Variants in MACROD2 observed in about 807,000 individuals in gnomAD.
MACROD2 encodes mono-ADP ribosylhydrolase 2.
Under a neutral mutation model 70.4 loss-of-function variants are expected in MACROD2, and 36 were observed. The observed-to-expected ratio is 0.51, with a 90% CI of 0.39 to 0.68. MACROD2 has a LOEUF of 0.68. Among genes scored for constraint, MACROD2 ranks in the 30% least tolerant of loss-of-function variants. The pLI, the probability that MACROD2 is intolerant of heterozygous loss-of-function variation, is 0.00. For synonymous variants in MACROD2, 172 were observed against 178.8 expected, an observed-to-expected ratio of 0.96 and a Z score of 0.30; for missense variants, 496 against 538.4, an observed-to-expected ratio of 0.92 and a Z score of 0.78.
At chr20:15,348,942 A>G (rs2078197056) in intron 6 of MACROD2, among the ~76,000 whole-genome samples, 2 of 152,216 alleles carry the variant, frequency 1.3e-5, no homozygotes, top group Admixed American at 1.3e-4. Context: ...TGTCAGTTTA[A>G]GGAAAAAAAG....
At chr20:15,286,263 A>C (rs906238983) in intron 6 of MACROD2, among the ~76,000 whole-genome samples, 3 of 152,198 alleles carry the variant, frequency 2.0e-5, no homozygotes, top group African/African-American at 4.8e-5. Context: ...GGATCTTTAA[A>C]TATCTTCGAG....
At chr20:15,279,285 C>T (rs866473830) in intron 6 of MACROD2, among the ~76,000 whole-genome samples, 3 of 152,246 alleles carry the variant, frequency 2.0e-5, no homozygotes, top group South Asian at 2.1e-4. Context: ...TTTACAATTA[C>T]CCATATGACC....
At chr20:16,007,820 A>G (rs1488144976) in intron 15 of MACROD2, among the ~76,000 whole-genome samples, 2 of 152,132 alleles carry the variant, frequency 1.3e-5, no homozygotes, top group African/African-American at 2.4e-5. Flanking sequence ...TGTGGCTAAC[A>G]GAGTATGACA....
At chr20:15,611,205 C>A (rs915604971) in intron 8 of MACROD2, among the ~76,000 whole-genome samples, 2 of 151,886 alleles carry the variant, frequency 1.3e-5, no homozygotes, top group African/African-American at 4.8e-5. Context: ...TTATTTAGTC[C>A]TTGTAACAAA....
intron 4 of MACROD2, among the ~76,000 whole-genome samples, chr20:14,521,226 C>G (rs1227845923): frequency 4.6e-5 from 7 of 152,186 alleles, no homozygotes; most frequent in African/African-American, 1.7e-4. Flanking sequence ...GCATAAGCCA[C>G]CCAGCAGAGC....
intron 4 of MACROD2, among the ~76,000 whole-genome samples, chr20:14,594,490 C>T (rs1203600962): frequency 6.6e-6 from 1 of 152,166 alleles, no homozygotes; most frequent in African/African-American, 2.4e-5. Flanking sequence ...TGGTGTCCAT[C>T]ACAATCTAAG....
chr20:14,326,460 A>C lies in MACROD2; in HGVS notation c.272-167019A>C. The stretch of plus-strand genomic sequence containing the variant: ...TGTCCTTACAATCAAACAGTTCTGC[A>C]TTGAGATCCTTAATAGCCATCCCAC... On this transcript the variant is annotated intron_variant, in intron 3 of 17. Transcript: ENST00000684519. The surrounding 1 kb of genome is among the most constrained non-coding windows in gnomAD (Gnocchi z 5.5). 6.2e-7 allele frequency: 1 copy of C among 1,613,866 alleles called. No individual in the cohort carries two copies. Among genetic ancestry groups the C allele is most frequent in the Non-Finnish European group, 8.5e-7 (1 of 1,179,840 alleles).
chr20:15,282,577 T>C (rs1219111554), intron 6 of MACROD2, among the ~76,000 whole-genome samples: 1 of 152,204 alleles, frequency 6.6e-6, no homozygotes, highest in Non-Finnish European at 1.5e-5. Context: ...AGCCAGTCTC[T>C]TTGCTAAAGC....
At chr20:14,300,934 G>C (rs1320911204) in intron 3 of MACROD2, among the ~76,000 whole-genome samples, 8 of 152,184 alleles carry the variant, frequency 5.3e-5, no homozygotes, top group Non-Finnish European at 1.2e-4. Flanking sequence ...AAAGTTAGGT[G>C]ACAGTTATAA....
At chr20:15,708,889 G>A (rs2050578973) in intron 8 of MACROD2, among the ~76,000 whole-genome samples, 1 of 152,038 alleles carries the variant, frequency 6.6e-6, no homozygotes, top group Non-Finnish European at 1.5e-5. Context: ...AGCTGGGCAT[G>A]GTAGCACATA....
chr20:14,232,762 G>A (rs1292058951), intron 3 of MACROD2, among the ~76,000 whole-genome samples: 1 of 152,244 alleles, frequency 6.6e-6, no homozygotes, highest in African/African-American at 2.4e-5. Context: ...TCAAATGTGT[G>A]TTCACTGAAG....
intron 4 of MACROD2, among the ~76,000 whole-genome samples, chr20:14,515,454 T>C (rs1014621043): frequency 1.7e-5 from 2 of 115,360 alleles, no homozygotes; most frequent in Non-Finnish European, 3.5e-5. Flanking sequence ...ATATGTGAGA[T>C]ACACACACAC....
At chr20:15,979,875 A>C (rs945378582) in intron 13 of MACROD2, among the ~76,000 whole-genome samples, 7 of 152,180 alleles carry the variant, frequency 4.6e-5, no homozygotes, top group African/African-American at 1.7e-4. Flanking sequence ...GAGCTGTAGC[A>C]GGACGAGCCG....
intron 7 of MACROD2, among the ~76,000 whole-genome samples, chr20:15,438,246 G>A (rs1024940512): frequency 6.6e-6 from 1 of 152,082 alleles, no homozygotes; most frequent in African/African-American, 2.4e-5. Flanking sequence ...GCTCTTTGAG[G>A]AGTCGCCATA....
At chr20:14,443,190 T>C (rs1212997498) in intron 3 of MACROD2, among the ~76,000 whole-genome samples, 1 of 151,682 alleles carries the variant, frequency 6.6e-6, no homozygotes, top group Non-Finnish European at 1.5e-5. Flanking sequence ...TCTTTCTTCC[T>C]AAGGATGAAG....
At chr20:14,890,127 G>A (rs1366701284) in intron 5 of MACROD2, among the ~76,000 whole-genome samples, 1 of 152,158 alleles carries the variant, frequency 6.6e-6, no homozygotes, top group Non-Finnish European at 1.5e-5. Context: ...ATGGAAGCAG[G>A]TTTTGTTGGG....
At chr20:14,428,010 CAGACTTTT>C (rs995653019) in intron 3 of MACROD2, among the ~76,000 whole-genome samples, 7 of 152,082 alleles carry the variant, frequency 4.6e-5, no homozygotes, top group Non-Finnish European at 8.8e-5. Context: ...TAGTAATGAG[CAGACTTTT>C]AGACTGGCAA....
intron 6 of MACROD2, among the ~76,000 whole-genome samples, chr20:15,396,899 A>G (rs1359595648): frequency 6.6e-6 from 1 of 152,194 alleles, no homozygotes; most frequent in African/African-American, 2.4e-5. Context: ...AAGCAAACCC[A>G]CATGAGTTGT....
intron 3 of MACROD2, among the ~76,000 whole-genome samples, chr20:14,102,673 C>T (rs890772198): frequency 2.0e-5 from 3 of 152,132 alleles, no homozygotes; most frequent in Middle Eastern, 3.2e-3. Flanking sequence ...GTCCAAATCA[C>T]CACTGTTGAT....
Sources: gnomAD v4.1 joint callset for allele counts (sites outside exome capture counted in the v4.1 genomes callset) on GRCh38, gnomAD v4.1.1 for gene constraint, Gnocchi (gnomAD v3.1) non-coding constraint, MANE v1.5 for transcripts, NCBI Gene and HGNC (gene_info 2026-07-23, HGNC 2026-07-21) for gene names.